ZFC3H1: variants seen among roughly 807,000 people sequenced by gnomAD.
ZFC3H1 encodes zinc finger C3H1-type containing.
A neutral mutation model predicts 243.7 loss-of-function variants in ZFC3H1; 71 were observed. The observed-to-expected ratio is 0.29, with a 90% CI of 0.24 to 0.36. The LOEUF (loss-of-function observed/expected upper bound fraction) is 0.36, where lower values mean the gene tolerates loss of function less well. ZFC3H1 is among the 10% of genes least tolerant of loss of function. ZFC3H1 has a pLI of 1.00. For missense variants in ZFC3H1, 1,966 were observed against 2,317.1 expected, an observed-to-expected ratio of 0.85 and a Z score of 3.11; for synonymous variants, 838 against 813.0, an observed-to-expected ratio of 1.03 and a Z score of -0.52.
chr12:71,638,292 T>C, intron 7 of ZFC3H1, 126 bp downstream of exon 7: 1 of 878,642 alleles, frequency 1.1e-6, no homozygotes, highest in South Asian at 1.7e-5. Flanking sequence ...ACGTATTTCA[T>C]TGCTATTAAT....
chr12:71,655,170 G>C (rs1279361083), intron 2 of ZFC3H1, among the ~76,000 whole-genome samples: 1 of 151,990 alleles, frequency 6.6e-6, no homozygotes, highest in African/African-American at 2.4e-5. Context: ...GGACAATAAA[G>C]GAAGTCTCCA....
intron 3 of ZFC3H1, 35 bp downstream of exon 3, chr12:71,647,714 T>C: frequency 8.1e-7 from 1 of 1,238,574 alleles, no homozygotes; most frequent in African/African-American, 1.6e-5. Flanking sequence ...AAATGGGTCT[T>C]ACAGAGATGA....
At chr12:71,649,352 GT>G (rs1880817969) in intron 2 of ZFC3H1, among the ~76,000 whole-genome samples, 2 of 152,110 alleles carry the variant, frequency 1.3e-5, no homozygotes, top group Admixed American at 1.3e-4. Flanking sequence ...AACACTCCTT[GT>G]TTTACTTCAT....
chr12:71,614,086 G>A (rs1879837987), intron 30 of ZFC3H1, among the ~76,000 whole-genome samples: 1 of 152,028 alleles, frequency 6.6e-6, no homozygotes, highest in Non-Finnish European at 1.5e-5. Flanking sequence ...TATGCCTTGT[G>A]TATAGCTATA....
At chr12:71,617,350 T>G (rs1879917283) in intron 27 of ZFC3H1, among the ~76,000 whole-genome samples, 1 of 152,224 alleles carries the variant, frequency 6.6e-6, no homozygotes, top group Non-Finnish European at 1.5e-5. Flanking sequence ...TTCACTATTG[T>G]CTAAATAAGC....
chr12:71,634,340 A>G lies in ZFC3H1; in HGVS notation c.2361-36T>C, dbSNP rs142675225. On this transcript the variant is annotated intron_variant, in intron 11 of 34. Transcript: ENST00000378743. The stretch of plus-strand genomic sequence containing the variant: ...CAAAAAGGATATATGCATTACACCC[A>G]AGAATAAACTTAAACTATTTTTAAA... 355 of 1,591,462 alleles carry G rather than the reference A, an allele frequency of 2.2e-4. 3 individuals are homozygous for G. The African/African-American group carries it at 4.3e-3, about 19-fold the overall frequency.
chr12:71,620,356 T>C (rs777700295), intron 24 of ZFC3H1, 41 bp from the exon 25 acceptor site: 47 of 1,597,710 alleles, frequency 2.9e-5, no homozygotes, highest in Admixed American at 2.3e-4. Context: ...ACGTCAATCA[T>C]AAAAATGAAA....
chr12:71,644,238 C>T lies in ZFC3H1; in HGVS notation c.1360G>A (p.Glu454Lys). ...QQKEQERQKE[E>K]DQRKQAEEEE... ...TCTTCAGCTTGTTTCCGCTGATCCT[C>T]TTCTTTCTGTCTTTCCTGCTCTTTT... Residue 454 changes from glutamate (E) to lysine (K), a missense_variant, in exon 5 of 35, where the codon GAG (glutamate) becomes AAG (lysine). Glu to Lys is a moderately conservative substitution (Grantham distance 56). Around this residue, in one of 4 missense-constraint regions of ZFC3H1, gnomAD observed 91 missense variants for 107.6 expected, o/e 0.85. Coordinates refer to ENST00000378743, the MANE Select transcript of ZFC3H1 (RefSeq NM_144982.5). 1.2e-6 allele frequency: 2 copies of T among 1,612,670 alleles called. No homozygotes were observed. The highest frequency in any genetic ancestry group is 1.7e-6 in the Non-Finnish European group (2 of 1,179,216).
chr12:71,662,803 AG>A (rs1881219582), intron 1 of ZFC3H1, among the ~76,000 whole-genome samples: 1 of 152,204 alleles, frequency 6.6e-6, no homozygotes, highest in Non-Finnish European at 1.5e-5. Flanking sequence ...CCCAATCCAC[AG>A]CACGTTAATA....
In ZFC3H1 at chr12:71,644,312, T is replaced by A. The variant is rs753166783; in HGVS notation, c.1286A>T (p.Gln429Leu). 6.2e-7 allele frequency: 1 copy of A among 1,611,788 alleles called. No homozygotes were observed. The highest frequency in any genetic ancestry group is 8.5e-7 in the Non-Finnish European group (1 of 1,179,606). The change falls in exon 5 of 35, where the codon CAA becomes CTA. Residue 429 changes from glutamine (Q) to leucine (L), a missense_variant. Coordinates refer to ENST00000378743, the MANE Select transcript of ZFC3H1 (RefSeq NM_144982.5). ...SAKKVSTTAKQALRKQQTKAW... is the reference protein window; with the variant it reads ...SAKKVSTTAKLALRKQQTKAW... ...CTTTGTTTGCTGCTTCCTCAATGCTTGTTTAGCTTTAAATAAAAAACACAT... is the reference window on the plus strand; with the variant it reads ...CTTTGTTTGCTGCTTCCTCAATGCTAGTTTAGCTTTAAATAAAAAACACAT...
intron 30 of ZFC3H1, among the ~76,000 whole-genome samples, chr12:71,614,001 A>G (rs1879835811): frequency 6.6e-6 from 1 of 152,202 alleles, no homozygotes; most frequent in South Asian, 2.1e-4. Context: ...TTTTTTTAAA[A>G]GATAATCACA....
intron 13 of ZFC3H1, 55 bp from the exon 14 acceptor site, chr12:71,633,072 TTTC>T (rs1249073288): frequency 2.6e-6 from 4 of 1,529,976 alleles, no homozygotes; most frequent in Non-Finnish European, 3.5e-6. Flanking sequence ...AAACAGGAAA[TTTC>T]TTCTTCTCAA....
chr12:71,637,539 C>G (rs189304703), intron 7 of ZFC3H1, among the ~76,000 whole-genome samples: 7 of 152,318 alleles, frequency 4.6e-5, no homozygotes, highest in Non-Finnish European at 8.8e-5. Flanking sequence ...CACCACTACT[C>G]TCTTAAAATG....
chr12:71,659,245 C>G (rs1881101432), intron 1 of ZFC3H1, among the ~76,000 whole-genome samples: 1 of 152,208 alleles, frequency 6.6e-6, no homozygotes, highest in African/African-American at 2.4e-5. Context: ...CATACTGCTG[C>G]TGCCAGAGTA....
At chr12:71,637,146 T>C (rs573815603) in intron 7 of ZFC3H1, 87 bp from the exon 8 acceptor site, 2 of 1,139,300 alleles carry the variant, frequency 1.8e-6, no homozygotes, top group African/African-American at 3.2e-5. Flanking sequence ...TAGAAAAAAA[T>C]AAACTTTACA....
intron 11 of ZFC3H1, 98 bp from the exon 12 acceptor site, chr12:71,634,402 ACC>A (rs1880408225): frequency 1.5e-6 from 2 of 1,321,978 alleles, no homozygotes; most frequent in Admixed American, 2.6e-5. Context: ...TATTAATCAC[ACC>A]GACTAATAAT....
chr12:71,618,873 A>G (rs17110012), intron 27 of ZFC3H1, among the ~76,000 whole-genome samples: 27,979 of 152,130 alleles, frequency 0.18, 2,867 homozygotes, highest in East Asian at 0.38. Flanking sequence ...GTCTTACTCT[A>G]TAACATTTCA....
chr12:71,657,632 T>TA (rs1350501288), intron 1 of ZFC3H1, among the ~76,000 whole-genome samples: 1 of 152,196 alleles, frequency 6.6e-6, no homozygotes, highest in East Asian at 1.9e-4. Flanking sequence ...AGCTGTATGT[T>TA]AGAGATTATT....
Position 71,638,526 on chromosome 12 carries a change from A to AT in ZFC3H1, c.1628-12dup, listed in dbSNP as rs542287271. On this transcript the variant is annotated splice_polypyrimidine_tract_variant and intron_variant, in intron 6 of 34. Transcript: ENST00000378743. The stretch of plus-strand genomic sequence containing the variant: ...GCACTGGTGAAGGAGCTGTAAAAAA[A>AT]TTTTTTGTTAAGAGTTTAATAACAG... 6.3e-7 allele frequency: 1 copy of AT among 1,588,270 alleles called. No individual in the cohort carries two copies. The highest frequency in any genetic ancestry group is 8.5e-7 in the Non-Finnish European group (1 of 1,171,302).
Sources: gnomAD v4.1 joint callset for allele counts (sites outside exome capture counted in the v4.1 genomes callset) on GRCh38, gnomAD v4.1.1 for gene constraint, gnomAD v4.1.1 regional missense constraint, MANE v1.5 for transcripts, NCBI Gene and HGNC (gene_info 2026-07-23, HGNC 2026-07-21) for gene names.